TMEM217: variants seen among roughly 807,000 people sequenced by gnomAD.
The protein encoded by TMEM217 is transmembrane protein 217.
For synonymous variants in TMEM217, 76 were observed against 88.3 expected, an observed-to-expected ratio of 0.86 and a Z score of 0.78; for missense variants, 204 against 248.8, an observed-to-expected ratio of 0.82 and a Z score of 1.21.
chr6:37,225,669 C>A (rs1437986683), intron 1 of TMEM217, among the ~76,000 whole-genome samples: 2 of 152,212 alleles, frequency 1.3e-5, no homozygotes, highest in South Asian at 2.1e-4. Flanking sequence ...TGGTCTATCC[C>A]TAGCAAAGAC....
chr6:37,219,934 A>G (rs906717285), intron 1 of TMEM217, among the ~76,000 whole-genome samples: 1 of 152,214 alleles, frequency 6.6e-6, no homozygotes, highest in African/African-American at 2.4e-5. Context: ...CTTCTCTACT[A>G]CATATCAAAA....
At chr6:37,243,615 T>C (rs1764903400) in intron 1 of TMEM217, among the ~76,000 whole-genome samples, 2 of 152,210 alleles carry the variant, frequency 1.3e-5, no homozygotes, top group Non-Finnish European at 2.9e-5. Context: ...TTTTGTTTTT[T>C]GAGACAGAGT....
intron 1 of TMEM217, among the ~76,000 whole-genome samples, chr6:37,236,467 A>C (rs1022867051): frequency 6.6e-6 from 1 of 152,068 alleles, no homozygotes; most frequent in Non-Finnish European, 1.5e-5. Context: ...TAAGCTAATT[A>C]GTTGTGTTCT....
At chr6:37,258,015 C>A (rs373692996) in exon 1 of TMEM217, 4 of 1,605,114 alleles carry the variant, frequency 2.5e-6, no homozygotes, top group African/African-American at 2.7e-5. Flanking sequence ...TTGGACCAAA[C>A]CCTTCCAGAT....
chr6:37,251,917 G>T (rs1378473475), intron 1 of TMEM217, among the ~76,000 whole-genome samples: 1 of 152,076 alleles, frequency 6.6e-6, no homozygotes, highest in Non-Finnish European at 1.5e-5. Context: ...TTATGAGATG[G>T]AGTTTCACTC....
intron 1 of TMEM217, among the ~76,000 whole-genome samples, chr6:37,230,191 A>G (rs1415537382): frequency 6.6e-6 from 1 of 152,182 alleles, no homozygotes; most frequent in Non-Finnish European, 1.5e-5. Context: ...GTCACAATTC[A>G]CTGCCTCTAA....
downstream of TMEM217, chr6:37,212,889 G>A (rs1762985911): frequency 1.3e-6 from 2 of 1,524,384 alleles, no homozygotes; most frequent in East Asian, 2.5e-5. Flanking sequence ...GTGTCTTCTG[G>A]TTCAGGTCAA....
intron 1 of TMEM217, among the ~76,000 whole-genome samples, chr6:37,231,958 A>G (rs1437992890): frequency 6.6e-6 from 1 of 152,016 alleles, no homozygotes; most frequent in Non-Finnish European, 1.5e-5. Flanking sequence ...TACTAAAATC[A>G]GAATCTCTGG....
intron 1 of TMEM217, among the ~76,000 whole-genome samples, chr6:37,243,043 A>G (rs750295556): frequency 2.0e-5 from 3 of 152,208 alleles, no homozygotes; most frequent in Non-Finnish European, 2.9e-5. Flanking sequence ...TGGGATCGCC[A>G]TAACTTGTTT....
chr6:37,241,336 G>A (rs1217766064), intron 1 of TMEM217, among the ~76,000 whole-genome samples: 1 of 151,980 alleles, frequency 6.6e-6, no homozygotes. Context: ...GGCTGTCTAC[G>A]TGGTGGGGAA....
exon 2 of TMEM217, chr6:37,218,289 C>G (rs897752369): frequency 5.0e-6 from 6 of 1,205,744 alleles, no homozygotes; most frequent in Non-Finnish European, 6.7e-6. Flanking sequence ...CAGTCTCAGC[C>G]TCTCAAGTGG....
intron 1 of TMEM217, among the ~76,000 whole-genome samples, chr6:37,241,800 T>G (rs1208643562): frequency 1.3e-5 from 2 of 152,214 alleles, no homozygotes; most frequent in Non-Finnish European, 2.9e-5. Flanking sequence ...TATTTAAAAC[T>G]CCATTAACTT....
downstream of TMEM217, among the ~76,000 whole-genome samples, chr6:37,214,906 C>T (rs1002861193): frequency 2.0e-5 from 3 of 152,220 alleles, no homozygotes; most frequent in Admixed American, 6.5e-5. Context: ...CGAAACCTCA[C>T]CTCTGCTCGG....
chr6:37,250,310 G>A (rs1244099583), intron 1 of TMEM217, among the ~76,000 whole-genome samples: 1 of 152,174 alleles, frequency 6.6e-6, no homozygotes, highest in Non-Finnish European at 1.5e-5. Context: ...GGCTTCTAAG[G>A]TATTGGTAAT....
chr6:37,231,858 C>T (rs1229291058), intron 1 of TMEM217, among the ~76,000 whole-genome samples: 6 of 150,626 alleles, frequency 4.0e-5, no homozygotes, highest in Non-Finnish European at 8.8e-5. Flanking sequence ...CACTTTCAGA[C>T]CATTATTCTT....
intron 1 of TMEM217, among the ~76,000 whole-genome samples, chr6:37,247,140 C>A (rs1334409325): frequency 6.6e-6 from 1 of 152,122 alleles, no homozygotes; most frequent in Non-Finnish European, 1.5e-5. Flanking sequence ...CTTATATGGC[C>A]TTAGAAGTCT....
At chr6:37,242,321 C>T (rs530827872) in intron 1 of TMEM217, among the ~76,000 whole-genome samples, 2 of 152,332 alleles carry the variant, frequency 1.3e-5, no homozygotes, top group East Asian at 1.9e-4. Context: ...TCTATTCCCC[C>T]CAAGGGAAGG....
At chr6:37,221,812 T>G (rs907058295) in intron 1 of TMEM217, among the ~76,000 whole-genome samples, 1 of 152,084 alleles carries the variant, frequency 6.6e-6, no homozygotes, top group African/African-American at 2.4e-5. Context: ...AAGTGTTAGA[T>G]CAGCTAAAAG....
intron 1 of TMEM217, among the ~76,000 whole-genome samples, chr6:37,253,613 A>C (rs994394513): frequency 3.9e-5 from 6 of 152,178 alleles, no homozygotes; most frequent in Non-Finnish European, 8.8e-5. Flanking sequence ...AACATTGCAC[A>C]GTGCATTGTG....
Sources: allele counts gnomAD v4.1 joint callset (sites outside exome capture counted in the v4.1 genomes callset), GRCh38; gene constraint gnomAD v4.1.1; transcripts MANE v1.5; gene names NCBI Gene and HGNC (gene_info 2026-07-23, HGNC 2026-07-21).